TMEM132D: variants seen among roughly 807,000 people sequenced by gnomAD.
The protein encoded by TMEM132D is mature OL transmembrane protein.
TMEM132D carries 21 observed loss-of-function variants against 62.3 expected under a neutral mutation model. That is an observed-to-expected ratio of 0.34 (90% confidence interval 0.24 to 0.49). The LOEUF (loss-of-function observed/expected upper bound fraction) is 0.49, where lower values mean the gene tolerates loss of function less well. Ranked by LOEUF, TMEM132D falls within the 20% of genes least tolerant of loss-of-function variation. The pLI is 0.99. For missense variants in TMEM132D, 1,346 were observed against 1,402.8 expected (o/e 0.96, Z 0.65); for synonymous variants, 621 against 575.6 (o/e 1.08, Z -1.13).
intron 5 of TMEM132D, among the ~76,000 whole-genome samples, chr12:129,093,040 A>C (rs1157244095): frequency 1.3e-5 from 2 of 152,354 alleles, no homozygotes; most frequent in East Asian, 3.9e-4. Flanking sequence ...TTTTAAATGG[A>C]CGCACTGGAG....
intron 3 of TMEM132D, among the ~76,000 whole-genome samples, chr12:129,477,307 C>T (rs1252119363): frequency 6.6e-6 from 1 of 152,102 alleles, no homozygotes; most frequent in Non-Finnish European, 1.5e-5. Context: ...TTTAAGACCC[C>T]CCTCCTCATC....
intron 8 of TMEM132D, among the ~76,000 whole-genome samples, chr12:129,077,490 AG>A (rs1874299945): frequency 6.6e-6 from 1 of 152,158 alleles, no homozygotes; most frequent in South Asian, 2.1e-4. Context: ...CTACATTCAA[AG>A]GTCCCCTATA....
chr12:129,735,856 G>T (rs955070708), intron 1 of TMEM132D, among the ~76,000 whole-genome samples: 2 of 152,182 alleles, frequency 1.3e-5, no homozygotes, highest in Non-Finnish European at 2.9e-5. Flanking sequence ...CCATGCCATT[G>T]TCCTTATAGA....
chr12:129,110,371 G>A (rs1875652741), intron 5 of TMEM132D: 1 of 152,122 alleles, frequency 6.6e-6, no homozygotes, highest in African/African-American at 2.4e-5. Context: ...AAAGTTCCCT[G>A]TTAGAGATTC....
At chr12:129,810,479 A>G (rs984168981) in intron 1 of TMEM132D, among the ~76,000 whole-genome samples, 2 of 152,118 alleles carry the variant, frequency 1.3e-5, no homozygotes, top group Non-Finnish European at 2.9e-5. Context: ...AAAAAAGGTA[A>G]TGAGGATGGG....
intron 4 of TMEM132D, among the ~76,000 whole-genome samples, chr12:129,250,924 C>T (rs1317833093): frequency 6.6e-6 from 1 of 152,154 alleles, no homozygotes; most frequent in African/African-American, 2.4e-5. Context: ...TCAGCAGGTG[C>T]GTACGGTGGT....
intron 2 of TMEM132D, among the ~76,000 whole-genome samples, chr12:129,558,102 A>G (rs1020050061): frequency 2.6e-5 from 4 of 152,188 alleles, no homozygotes; most frequent in Admixed American, 6.5e-5. Context: ...CTGGCTTAAC[A>G]AAGATGTATC....
chr12:129,882,616 CA>C (rs1315728512), intron 1 of TMEM132D, among the ~76,000 whole-genome samples: 2 of 152,122 alleles, frequency 1.3e-5, no homozygotes, highest in Non-Finnish European at 2.9e-5. Context: ...TCCCAACACA[CA>C]AAAAATCATA....
rs1267153309 is a variant in TMEM132D, at chr12:129,371,127, A to G, written c.1116-33310T>C. On this transcript the variant is annotated intron_variant, in intron 3 of 8. Transcript: ENST00000422113. The surrounding 1 kb of genome is among the most constrained non-coding windows in gnomAD (Gnocchi z 4.3). ...TTATATTGTTGTAGGTACCACCAAA[A>G]TATGTACAACTATGACAAATCAATA... 3.9e-5 allele frequency among the ~76,000 whole-genome samples: 6 copies of G among 152,220 alleles called. No homozygotes were observed. The highest frequency in any genetic ancestry group is 2.0e-4 in the Admixed American group (3 of 15,276).
chr12:129,368,643 G>A (rs1024898526), intron 3 of TMEM132D, among the ~76,000 whole-genome samples: 5 of 151,558 alleles, frequency 3.3e-5, no homozygotes, highest in African/African-American at 9.7e-5. Flanking sequence ...CTCCATTGAC[G>A]AGCATTCAGT....
At chr12:129,189,333 C>A (rs1878316823) in intron 5 of TMEM132D, among the ~76,000 whole-genome samples, 1 of 152,136 alleles carries the variant, frequency 6.6e-6, no homozygotes, top group South Asian at 2.1e-4. Flanking sequence ...ATGGAGAGGG[C>A]AAAATGACAG....
At chr12:129,499,836 A>T (rs561244850) in intron 3 of TMEM132D, among the ~76,000 whole-genome samples, 9 of 152,282 alleles carry the variant, frequency 5.9e-5, no homozygotes, top group African/African-American at 2.2e-4. Context: ...AGGGTTCTTA[A>T]CGTTCCCCCT....
chr12:129,345,765 C>T (rs533763080), intron 3 of TMEM132D, among the ~76,000 whole-genome samples: 1 of 152,140 alleles, frequency 6.6e-6, no homozygotes, highest in African/African-American at 2.4e-5. Flanking sequence ...GTTGAATCAG[C>T]CTTGCATCCT....
intron 4 of TMEM132D, among the ~76,000 whole-genome samples, chr12:129,267,580 T>A (rs539862574): frequency 1.3e-5 from 2 of 152,296 alleles, no homozygotes; most frequent in African/African-American, 4.8e-5. Flanking sequence ...ATAGTAAGAA[T>A]CAATATAGTG....
At position 129,414,574 on chromosome 12, in the gene TMEM132D, A is replaced by G. The variant is rs186744241; in HGVS notation, c.1116-76757T>C. On this transcript the variant is annotated intron_variant, in intron 3 of 8. Transcript: ENST00000422113. ...TGCAGCATGATGTGCTGATAGACAC[A>G]TATGTTGTGAAATGATGACCACAAT... 3.7e-3 allele frequency among the ~76,000 whole-genome samples: 561 copies of G among 152,368 alleles called. 2 individuals are homozygous for G. Among genetic ancestry groups the G allele is most frequent in the Non-Finnish European group, 5.9e-3 (398 of 68,034 alleles).
chr12:129,283,607 A>G (rs922263147), intron 4 of TMEM132D, among the ~76,000 whole-genome samples: 1 of 152,198 alleles, frequency 6.6e-6, no homozygotes, highest in Non-Finnish European at 1.5e-5. Flanking sequence ...TTTTCAAGAC[A>G]TGTCTTTGAA....
At chr12:129,174,705 A>G (rs1340421688) in intron 5 of TMEM132D, among the ~76,000 whole-genome samples, 1 of 152,148 alleles carries the variant, frequency 6.6e-6, no homozygotes, top group Non-Finnish European at 1.5e-5. Context: ...ACAGCGTAAA[A>G]GTGTTCTTAT....
chr12:129,730,373 T>A (rs191213602), intron 1 of TMEM132D, among the ~76,000 whole-genome samples: 1 of 152,312 alleles, frequency 6.6e-6, no homozygotes, highest in East Asian at 1.9e-4. Context: ...CATTTACAAA[T>A]CCCCACTCCA....
chr12:129,139,682 C>T (rs1236348736), intron 5 of TMEM132D, among the ~76,000 whole-genome samples: 1 of 152,132 alleles, frequency 6.6e-6, no homozygotes, highest in Non-Finnish European at 1.5e-5. Flanking sequence ...GATAAACATA[C>T]ATCATCATCA....
Sources: gnomAD v4.1 joint callset for allele counts (sites outside exome capture counted in the v4.1 genomes callset) on GRCh38, gnomAD v4.1.1 for gene constraint, Gnocchi (gnomAD v3.1) non-coding constraint, MANE v1.5 for transcripts, NCBI Gene and HGNC (gene_info 2026-07-23, HGNC 2026-07-21) for gene names.